Variants in ARHGEF4 observed in about 807,000 individuals in gnomAD.
ARHGEF4 encodes the protein Rho guanine nucleotide exchange factor 4, also known as APC-stimulated guanine nucleotide exchange factor 1.
ARHGEF4 carries 119 observed loss-of-function variants against 162.0 expected under a neutral mutation model. That is an observed-to-expected ratio of 0.73 (90% CI 0.63 to 0.86). The LOEUF (loss-of-function observed/expected upper bound fraction) is 0.86. Ranked by LOEUF, ARHGEF4 falls within the 40% of genes least tolerant of loss-of-function variation. ARHGEF4 has a pLI of 0.00. For synonymous variants in ARHGEF4, 1,014 were observed against 979.9 expected (o/e 1.03, Z -0.65); for missense variants, 2,488 against 2,456.0 (o/e 1.01, Z -0.28).
chr2:130,846,800 G>C (rs925518055), intron 1 of ARHGEF4, among the ~76,000 whole-genome samples: 6 of 152,178 alleles, frequency 3.9e-5, no homozygotes, highest in Non-Finnish European at 8.8e-5. Context: ...GGCAATGCAC[G>C]TTTGTCTGTG....
chr2:130,971,373 A>C (rs571789972), intron 4 of ARHGEF4, among the ~76,000 whole-genome samples: 1 of 152,184 alleles, frequency 6.6e-6, no homozygotes, highest in South Asian at 2.1e-4. Context: ...CCAACTTGTC[A>C]ATATCAGTTA....
chr2:130,931,699 T>G (rs887772348), intron 3 of ARHGEF4, among the ~76,000 whole-genome samples: 1 of 152,226 alleles, frequency 6.6e-6, no homozygotes, highest in South Asian at 2.1e-4. Context: ...TCCATTCAAT[T>G]TTGTCTCTAG....
intron 3 of ARHGEF4, 119 bp downstream of exon 3, chr2:130,931,376 G>C (rs1293956610): frequency 8.7e-7 from 1 of 1,151,658 alleles, no homozygotes; most frequent in Non-Finnish European, 1.2e-6. Context: ...GTCACCCTGG[G>C]CCCCCTTGGA....
At chr2:130,936,464 G>A (rs1461344843) in intron 3 of ARHGEF4, among the ~76,000 whole-genome samples, 2 of 152,238 alleles carry the variant, frequency 1.3e-5, no homozygotes, top group East Asian at 1.9e-4. Flanking sequence ...TCTGGTGCTG[G>A]TCTAGACATT....
At chr2:130,925,201 A>G (rs1056580013) in intron 2 of ARHGEF4, among the ~76,000 whole-genome samples, 1 of 152,150 alleles carries the variant, frequency 6.6e-6, no homozygotes, top group African/African-American at 2.4e-5. Context: ...AGAAAGAAAA[A>G]TCAAGTGAGG....
At chr2:131,035,805 G>T (rs542576167) in intron 5 of ARHGEF4, 2 of 985,388 alleles carry the variant, frequency 2.0e-6, no homozygotes, top group African/African-American at 1.7e-5. Flanking sequence ...CAAACTGCGG[G>T]TGTTCACAGC....
intron 4 of ARHGEF4, among the ~76,000 whole-genome samples, chr2:130,985,557 G>A (rs1193172464): frequency 6.6e-6 from 1 of 152,050 alleles, no homozygotes; most frequent in Admixed American, 6.6e-5. Flanking sequence ...GAGGGGCAAG[G>A]AGGCATCTGG....
chr2:131,010,708 G>T (rs1688394312), intron 4 of ARHGEF4, among the ~76,000 whole-genome samples: 1 of 152,204 alleles, frequency 6.6e-6, no homozygotes, highest in Non-Finnish European at 1.5e-5. Flanking sequence ...TGAGGGGGTG[G>T]GGTAGAGAGA....
rs1412912779 is a variant in ARHGEF4 at position 130,914,026 on chromosome 2, T to C, written c.80T>C (p.Ile27Thr). ...PGAHLPGEGE[I>T]EDNQLPTSPA... Reference sequence around the variant, plus strand: ...GCACACCTGCCAGGTGAAGGTGAGATTGAAGATAACCAGCTCCCCACATCC... The same window carrying C: ...GCACACCTGCCAGGTGAAGGTGAGACTGAAGATAACCAGCTCCCCACATCC... The change falls in exon 2 of 14, where the codon ATT becomes ACT. Residue 27 changes from isoleucine to threonine, a missense_variant. Transcript: ENST00000409359. 6 of 1,535,930 alleles carry C rather than the reference T, an allele frequency of 3.9e-6. No individual in the cohort carries two copies. Among genetic ancestry groups the C allele is most frequent in the African/African-American group, 1.4e-5 (1 of 72,994 alleles).
chr2:130,922,830 C>G (rs1252858169), intron 2 of ARHGEF4, among the ~76,000 whole-genome samples: 1 of 150,896 alleles, frequency 6.6e-6, no homozygotes, highest in East Asian at 1.9e-4. Flanking sequence ...TTGGGGTTGT[C>G]TTTCTCTTAC....
chr2:130,988,906 A>AGG (rs1473891312), intron 4 of ARHGEF4, among the ~76,000 whole-genome samples: 3 of 117,224 alleles, frequency 2.6e-5, no homozygotes, highest in African/African-American at 9.2e-5. Context: ...ATATATAGAG[A>AGG]GAGAGAGAGA....
rs1163083633 is a variant in ARHGEF4 at position 130,914,906 on chromosome 2, CA to C, written c.961del (p.Arg321GlyfsTer11). On this transcript the variant is annotated frameshift_variant, in exon 2 of 14. Transcript: ENST00000409359. LOFTEE classifies it high-confidence loss of function. ...SAPETTGDKN[R>X]ASPRLNCGHM... The stretch of plus-strand genomic sequence containing the variant: ...CCCCAGAAACTACTGGTGACAAGAA[CA>C]GGGCATCCCCCAGACTCAACTGTGG... 1.3e-6 allele frequency: 2 copies of C among 1,515,876 alleles called. No homozygotes were observed. The highest frequency in any genetic ancestry group is 1.8e-6 in the Non-Finnish European group (2 of 1,129,324). 93.9% of individuals were successfully genotyped at this position (1,515,876 alleles called of 1,614,324 possible). A position where few individuals can be genotyped will look rare whatever the true frequency, so the allele number is the denominator to read the frequency against.
chr2:131,000,798 A>G (rs1013085996), intron 4 of ARHGEF4, among the ~76,000 whole-genome samples: 2 of 152,146 alleles, frequency 1.3e-5, no homozygotes, highest in Non-Finnish European at 2.9e-5. Context: ...AAGTAGAGAA[A>G]GGCAAAGCCA....
chr2:130,896,982 A>C (rs1462828420), intron 1 of ARHGEF4, among the ~76,000 whole-genome samples: 1 of 152,178 alleles, frequency 6.6e-6, no homozygotes, highest in African/African-American at 2.4e-5. Flanking sequence ...TAGTCTGCCC[A>C]GCTGGATCAC....
intron 4 of ARHGEF4, among the ~76,000 whole-genome samples, chr2:130,986,122 G>T (rs4539830): frequency 0.71 from 107,640 of 151,918 alleles, 39,497 homozygotes; most frequent in East Asian, 0.88. Flanking sequence ...GTAGTGCATG[G>T]TGCATGTGTA....
intron 1 of ARHGEF4, among the ~76,000 whole-genome samples, chr2:130,863,966 C>T (rs1282016475): frequency 1.6e-5 from 2 of 127,178 alleles, no homozygotes; most frequent in African/African-American, 3.0e-5. Context: ...AGGCAGATCA[C>T]GAGGTCAGGA....
intron 4 of ARHGEF4, among the ~76,000 whole-genome samples, chr2:130,980,413 C>T (rs995780448): frequency 6.6e-6 from 1 of 151,382 alleles, no homozygotes; most frequent in African/African-American, 2.4e-5. Context: ...AATTATAAGT[C>T]CTATGCCAGA....
chr2:131,020,614 C>T (rs1689061971), intron 4 of ARHGEF4, among the ~76,000 whole-genome samples: 1 of 152,004 alleles, frequency 6.6e-6, no homozygotes, highest in Non-Finnish European at 1.5e-5. Context: ...GGGTTGGTTC[C>T]AAGTCTTTGC....
At chr2:131,013,590 TTTGA>T (rs538220396) in intron 4 of ARHGEF4, among the ~76,000 whole-genome samples, 27 of 152,224 alleles carry the variant, frequency 1.8e-4, no homozygotes, top group South Asian at 4.1e-4. Context: ...AATTTGTTTG[TTTGA>T]TTGATTGATT....
Sources: gnomAD v4.1 joint callset for allele counts (sites outside exome capture counted in the v4.1 genomes callset) on GRCh38, gnomAD v4.1.1 for gene constraint, MANE v1.5 for transcripts, NCBI Gene and HGNC (gene_info 2026-07-23, HGNC 2026-07-21) for gene names.